RAB10: variants seen among roughly 807,000 people sequenced by gnomAD.
RAB10 encodes the protein ras-related protein Rab-10.
In RAB10, 5 loss-of-function variants were observed where a neutral mutation model predicts 25.7. That is an observed-to-expected ratio of 0.19 (90% CI 0.10 to 0.41). The LOEUF (loss-of-function observed/expected upper bound fraction) is 0.41, where lower values mean the gene tolerates loss of function less well. RAB10 is among the 10% of genes least tolerant of loss of function. The probability of loss-of-function intolerance (pLI) is 1.00; values close to 1 mark genes in which losing one functional copy is unlikely to be tolerated. For synonymous variants in RAB10, 89 were observed against 86.4 expected, an observed-to-expected ratio of 1.03 and a Z score of -0.16; for missense variants, 103 against 245.8, an observed-to-expected ratio of 0.42 and a Z score of 3.89.
intron 2 of RAB10, among the ~76,000 whole-genome samples, chr2:26,108,486 C>T (rs1197249565): frequency 6.6e-6 from 1 of 152,026 alleles, no homozygotes; most frequent in East Asian, 1.9e-4. Flanking sequence ...GATTATTGAT[C>T]AGAGTTTAGG....
At chr2:26,087,485 C>T (rs759575791) in intron 1 of RAB10, among the ~76,000 whole-genome samples, 2 of 152,178 alleles carry the variant, frequency 1.3e-5, no homozygotes, top group Non-Finnish European at 2.9e-5. Context: ...TCACCGCAAC[C>T]TCTGCCTTCT....
intron 5 of RAB10, 48 bp from the exon 6 acceptor site, chr2:26,134,890 C>T (rs1286921536): frequency 7.0e-7 from 1 of 1,423,208 alleles, no homozygotes; most frequent in South Asian, 1.2e-5. Context: ...TGATTTTATC[C>T]ATGGCAGTGT....
chr2:26,074,041 C>A (rs1354229290), intron 1 of RAB10, among the ~76,000 whole-genome samples: 1 of 152,060 alleles, frequency 6.6e-6, no homozygotes, highest in Non-Finnish European at 1.5e-5. Flanking sequence ...TGGACTTTGT[C>A]TAGTAGAAAC....
At chr2:26,112,075 A>G (rs2149284638) in intron 3 of RAB10, among the ~76,000 whole-genome samples, 1 of 152,298 alleles carries the variant, frequency 6.6e-6, no homozygotes, top group Non-Finnish European at 1.5e-5. Context: ...GAAGAGAGGC[A>G]TATGTGGGGA....
At chr2:26,107,282 C>T (rs944481023) in intron 2 of RAB10, among the ~76,000 whole-genome samples, 1 of 147,896 alleles carries the variant, frequency 6.8e-6, no homozygotes, top group East Asian at 2.0e-4. Flanking sequence ...GTGAAGAATT[C>T]TTAGACATAA....
chr2:26,115,696 CTG>C (rs1667669407), intron 3 of RAB10, among the ~76,000 whole-genome samples: 1 of 152,040 alleles, frequency 6.6e-6, no homozygotes. Context: ...TAAAAAAACA[CTG>C]AATTGTATAT....
chr2:26,133,937 G>T (rs1471690029), intron 5 of RAB10, among the ~76,000 whole-genome samples: 1 of 152,206 alleles, frequency 6.6e-6, no homozygotes, highest in African/African-American at 2.4e-5. Context: ...GCCTCCCAAA[G>T]TGCTGGGATT....
At chr2:26,122,637 C>CA (rs917927455) in intron 3 of RAB10, among the ~76,000 whole-genome samples, 16 of 141,192 alleles carry the variant, frequency 1.1e-4, no homozygotes, top group South Asian at 2.3e-4. Flanking sequence ...AAAAAAAAAA[C>CA]AAAAAAAAAG....
intron 1 of RAB10, among the ~76,000 whole-genome samples, chr2:26,097,519 C>T (rs964229155): frequency 1.8e-4 from 28 of 152,186 alleles, no homozygotes; most frequent in Non-Finnish European, 1.6e-4. Context: ...CTCAGGTGAT[C>T]CGCCTGCCTT....
intron 1 of RAB10, among the ~76,000 whole-genome samples, chr2:26,080,955 A>G (rs758533103): frequency 6.6e-6 from 1 of 152,164 alleles, no homozygotes; most frequent in Non-Finnish European, 1.5e-5. Flanking sequence ...CTGTGTCCCC[A>G]CCCAAATCTC....
At chr2:26,038,431 G>T (rs1665812907) in intron 1 of RAB10, among the ~76,000 whole-genome samples, 1 of 151,654 alleles carries the variant, frequency 6.6e-6, no homozygotes, top group African/African-American at 2.4e-5. Flanking sequence ...CCTGACCTCA[G>T]GTGATCCACC....
chr2:26,083,999 A>G (rs1455504910), intron 1 of RAB10, among the ~76,000 whole-genome samples: 1 of 152,334 alleles, frequency 6.6e-6, no homozygotes, highest in East Asian at 1.9e-4. Context: ...GCCCAAATAA[A>G]GAGAGCTATA....
intron 3 of RAB10, among the ~76,000 whole-genome samples, chr2:26,112,190 C>T (rs755411074): frequency 1.3e-5 from 2 of 152,274 alleles, no homozygotes; most frequent in South Asian, 4.1e-4. Flanking sequence ...CTCAGTTTTT[C>T]AGATTTTTGA....
chr2:26,066,722 G>C (rs1666519564), intron 1 of RAB10, among the ~76,000 whole-genome samples: 1 of 151,714 alleles, frequency 6.6e-6, no homozygotes, highest in Non-Finnish European at 1.5e-5. Context: ...GGGGATTATG[G>C]GAACTACAGT....
chr2:26,074,664 C>T (rs1288566036), intron 1 of RAB10, among the ~76,000 whole-genome samples: 1 of 152,208 alleles, frequency 6.6e-6, no homozygotes, highest in African/African-American at 2.4e-5. Context: ...GGTGATCCAC[C>T]CGCCTTGGTC....
chr2:26,063,250 C>T (rs1210594975), intron 1 of RAB10, among the ~76,000 whole-genome samples: 3 of 152,076 alleles, frequency 2.0e-5, no homozygotes, highest in Non-Finnish European at 4.4e-5. Context: ...TTGGACAGAT[C>T]GTCTGGGAGA....
In RAB10 at chr2:26,034,521, T is replaced by C; in HGVS notation, c.-88T>C. 6.4e-7 allele frequency: 1 copy of C among 1,565,022 alleles called. No homozygotes were observed. The highest frequency in any genetic ancestry group is 8.7e-7 in the Non-Finnish European group (1 of 1,150,672). The stretch of plus-strand genomic sequence containing the variant: ...CCCACGCTTCCCCGGTCCTCCGGCC[T>C]GAGAACGCCCGAGTGAGGAGTTGGC... On this transcript the variant is annotated 5_prime_UTR_variant, in exon 1 of 6. Transcript: ENST00000264710.
intron 1 of RAB10, among the ~76,000 whole-genome samples, chr2:26,038,502 C>CT (rs1666246463): frequency 6.6e-6 from 1 of 151,996 alleles, no homozygotes; most frequent in South Asian, 2.1e-4. Context: ...AGCCTAGACT[C>CT]TGACATTTTC....
chr2:26,114,339 C>G (rs192347190), intron 3 of RAB10, among the ~76,000 whole-genome samples: 2 of 152,242 alleles, frequency 1.3e-5, no homozygotes, highest in Non-Finnish European at 2.9e-5. Flanking sequence ...GGTTTTAAAA[C>G]TTAACCGCAA....
Sources: gnomAD v4.1 joint callset for allele counts (sites outside exome capture counted in the v4.1 genomes callset) on GRCh38, gnomAD v4.1.1 for gene constraint, MANE v1.5 for transcripts, NCBI Gene and HGNC (gene_info 2026-07-23, HGNC 2026-07-21) for gene names.